CSMD3: variants seen among roughly 807,000 people sequenced by gnomAD.
CSMD3 encodes CUB and Sushi multiple domains 3, also known as CUB and sushi domain-containing protein 3.
A neutral mutation model predicts 435.2 loss-of-function variants in CSMD3; 177 were observed. That is an observed-to-expected ratio of 0.41 (90% CI 0.36 to 0.46). The LOEUF (loss-of-function observed/expected upper bound fraction) is 0.46. CSMD3 is among the 20% of genes least tolerant of loss of function. The pLI, the probability that CSMD3 is intolerant of heterozygous loss-of-function variation, is 0.34. For synonymous variants in CSMD3, 1,656 were observed against 1,520.5 expected (o/e 1.09, Z -2.07); for missense variants, 4,265 against 4,504.6 (o/e 0.95, Z 1.52).
chr8:112,785,153 A>G (rs2078505027), intron 13 of CSMD3, among the ~76,000 whole-genome samples: 1 of 152,030 alleles, frequency 6.6e-6, no homozygotes, highest in Non-Finnish European at 1.5e-5. Context: ...TAGAATGAAG[A>G]ACAAATCTAT....
intron 18 of CSMD3, among the ~76,000 whole-genome samples, chr8:112,650,597 T>C (rs1456588335): frequency 6.6e-6 from 1 of 152,204 alleles, no homozygotes; most frequent in Non-Finnish European, 1.5e-5. Context: ...TAAAACTTTG[T>C]ATTGTTATAA....
rs1316873605 is a variant in CSMD3, at chr8:113,280,561, G to C, written c.402-1857C>G. Among the ~76,000 whole-genome samples, 4 of 151,750 alleles carry C rather than the reference G, an allele frequency of 2.6e-5. No homozygotes were observed. In the East Asian group the frequency reaches 7.7e-4, roughly 29 times the overall value. On this transcript the variant is annotated intron_variant, in intron 2 of 70. Transcript: ENST00000297405. ...TATTTGGATTTCTTCTCTTTTCTTG[G>C]TTAATCTTGTGAATGGTCTATCCAT...
At chr8:112,454,337 T>C (rs984994614) in intron 32 of CSMD3, among the ~76,000 whole-genome samples, 1 of 151,858 alleles carries the variant, frequency 6.6e-6, no homozygotes. Flanking sequence ...ACCTAAAGAA[T>C]GGGAAAAAAT....
intron 2 of CSMD3, among the ~76,000 whole-genome samples, chr8:113,298,863 A>G (rs1273597815): frequency 1.3e-5 from 2 of 152,144 alleles, no homozygotes; most frequent in African/African-American, 4.8e-5. Flanking sequence ...AGATCCCTAG[A>G]GCAGCGATCT....
intron 11 of CSMD3, among the ~76,000 whole-genome samples, chr8:112,830,909 C>T (rs1478034537): frequency 1.3e-5 from 2 of 151,868 alleles, no homozygotes; most frequent in African/African-American, 4.8e-5. Flanking sequence ...GCCTCAGCCT[C>T]CTGAGTACCT....
chr8:113,302,734 T>G (rs1588474465), intron 2 of CSMD3, among the ~76,000 whole-genome samples: 1 of 148,830 alleles, frequency 6.7e-6, no homozygotes, highest in South Asian at 2.2e-4. Flanking sequence ...AAACTCTCAA[T>G]AAATTAGGTA....
intron 11 of CSMD3, among the ~76,000 whole-genome samples, chr8:112,844,916 A>G (rs761668303): frequency 4.6e-5 from 7 of 151,926 alleles, no homozygotes; most frequent in Non-Finnish European, 8.8e-5. Flanking sequence ...ATTCCTTACT[A>G]TTTATGTCAA....
chr8:113,257,127 G>A (rs906113638), intron 3 of CSMD3, among the ~76,000 whole-genome samples: 1 of 152,110 alleles, frequency 6.6e-6, no homozygotes, highest in African/African-American at 2.4e-5. Context: ...AAACAAAACG[G>A]GCCGGGCGCA....
chr8:112,533,118 G>C (rs1825699661), intron 27 of CSMD3, among the ~76,000 whole-genome samples: 1 of 151,762 alleles, frequency 6.6e-6, no homozygotes, highest in Non-Finnish European at 1.5e-5. Context: ...ACTTATAATA[G>C]AGAAAGTAAA....
intron 10 of CSMD3, among the ~76,000 whole-genome samples, chr8:112,889,690 A>C (rs538940921): frequency 1.3e-5 from 2 of 151,820 alleles, no homozygotes; most frequent in Admixed American, 6.6e-5. Flanking sequence ...TGTGAAACAG[A>C]AAAGTTGGGA....
chr8:112,556,965 A>C lies in CSMD3; in HGVS notation c.4043-11T>G, dbSNP rs757907777. 12 of 1,595,560 alleles carry C rather than the reference A, an allele frequency of 7.5e-6. No individual in the cohort carries two copies. The highest frequency in any genetic ancestry group is 1.0e-5 in the Non-Finnish European group (12 of 1,164,134). ...GTGAGAGTTCAAAACCTGGGACAAAAATATAAATTGATTAAAGGCAAAATT... is the reference window on the plus strand; with the variant it reads ...GTGAGAGTTCAAAACCTGGGACAAACATATAAATTGATTAAAGGCAAAATT... On this transcript the variant is annotated splice_polypyrimidine_tract_variant and intron_variant, in intron 24 of 70. Transcript: ENST00000297405.
intron 58 of CSMD3, among the ~76,000 whole-genome samples, chr8:112,281,780 C>A (rs1295312698): frequency 2.0e-5 from 3 of 152,078 alleles, no homozygotes; most frequent in Non-Finnish European, 4.4e-5. Flanking sequence ...GACAGATACA[C>A]AATTTTAATA....
At chr8:112,631,622 G>A (rs1196285609) in intron 22 of CSMD3, among the ~76,000 whole-genome samples, 1 of 151,976 alleles carries the variant, frequency 6.6e-6, no homozygotes. Context: ...TACTTCATAA[G>A]GTTGTGAGCA....
intron 3 of CSMD3, among the ~76,000 whole-genome samples, chr8:113,233,150 C>T (rs922614032): frequency 4.6e-5 from 7 of 151,596 alleles, no homozygotes; most frequent in African/African-American, 1.7e-4. Context: ...GTTAATTAAT[C>T]AATGCTAAGG....
At chr8:112,937,452 G>A (rs2083318237) in intron 9 of CSMD3, among the ~76,000 whole-genome samples, 1 of 150,250 alleles carries the variant, frequency 6.7e-6, no homozygotes, top group East Asian at 2.0e-4. Flanking sequence ...CTGGGCTCAA[G>A]CGATTATCCT....
chr8:113,001,536 A>G (rs983622913), intron 6 of CSMD3, among the ~76,000 whole-genome samples: 1 of 152,084 alleles, frequency 6.6e-6, no homozygotes, highest in Non-Finnish European at 1.5e-5. Flanking sequence ...TTCCCTGGCT[A>G]TCTGCCTAAT....
intron 24 of CSMD3, among the ~76,000 whole-genome samples, chr8:112,572,408 C>T (rs900716082): frequency 6.6e-6 from 1 of 152,042 alleles, no homozygotes; most frequent in African/African-American, 2.4e-5. Flanking sequence ...AAAATGTTTT[C>T]ATACAATGAG....
chr8:112,302,363 A>T (rs1342725059), intron 52 of CSMD3, among the ~76,000 whole-genome samples: 1 of 152,180 alleles, frequency 6.6e-6, no homozygotes, highest in Non-Finnish European at 1.5e-5. Flanking sequence ...TACCTGAGCC[A>T]AAGTTTCTTC....
intron 4 of CSMD3, among the ~76,000 whole-genome samples, chr8:113,105,675 T>G (rs2090453369): frequency 6.6e-6 from 1 of 151,896 alleles, no homozygotes; most frequent in Admixed American, 6.6e-5. Flanking sequence ...TCAAAAGGGG[T>G]GCACTTCAGT....
Sources: allele counts gnomAD v4.1 joint callset (sites outside exome capture counted in the v4.1 genomes callset), GRCh38; gene constraint gnomAD v4.1.1; transcripts MANE v1.5; gene names NCBI Gene and HGNC (gene_info 2026-07-23, HGNC 2026-07-21).